Variants in DZANK1 observed in about 807,000 individuals in gnomAD.
DZANK1 encodes the protein double zinc ribbon and ankyrin repeat domains 1, also known as double zinc ribbon and ankyrin repeat-containing protein 1.
A neutral mutation model predicts 94.5 loss-of-function variants in DZANK1; 91 were observed. The ratio of observed to expected loss-of-function variants is 0.96; its 90% CI spans 0.81 to 1.15. The LOEUF is 1.15. Ranked by LOEUF, DZANK1 falls within the 50% of genes most tolerant of loss-of-function variation. The pLI, the probability that DZANK1 is intolerant of heterozygous loss-of-function variation, is 0.00. For missense variants in DZANK1, 903 were observed against 916.4 expected, an observed-to-expected ratio of 0.99 and a Z score of 0.19; for synonymous variants, 312 against 325.3, an observed-to-expected ratio of 0.96 and a Z score of 0.44.
intron 12 of DZANK1, chr20:18,413,157 C>A (rs990740338): frequency 9.8e-6 from 4 of 406,750 alleles, no homozygotes; most frequent in Non-Finnish European, 1.3e-5. Flanking sequence ...AGAGCATAGA[C>A]TTCACTACTA....
chr20:18,401,471 C>G (rs1461982172), intron 13 of DZANK1, among the ~76,000 whole-genome samples: 1 of 152,196 alleles, frequency 6.6e-6, no homozygotes, highest in Non-Finnish European at 1.5e-5. Flanking sequence ...ACTTTACTGC[C>G]CATACTTCTG....
intron 20 of DZANK1, 119 bp from the exon 21 acceptor site, chr20:18,384,683 A>C: frequency 9.1e-7 from 1 of 1,097,852 alleles, no homozygotes; most frequent in Non-Finnish European, 1.3e-6. Flanking sequence ...ACCTCCCCAA[A>C]CCTCTCCCCA....
intron 13 of DZANK1, among the ~76,000 whole-genome samples, chr20:18,400,339 A>G (rs1020502739): frequency 2.0e-5 from 3 of 152,288 alleles, no homozygotes; most frequent in South Asian, 2.1e-4. Context: ...GATATGAGGG[A>G]CCATGGAGAA....
At position 18,441,785 on chromosome 20, in the gene DZANK1, A is replaced by G. The variant is rs1311054944; in HGVS notation, c.747+1562T>C. 6.6e-6 allele frequency among the ~76,000 whole-genome samples: 1 copy of G among 152,252 alleles called. No individual in the cohort carries two copies. Among genetic ancestry groups the G allele is most frequent in the African/African-American group, 2.4e-5 (1 of 41,470 alleles). On this transcript the variant is annotated intron_variant, in intron 8 of 20. Transcript: ENST00000262547. The surrounding 1 kb of genome is among the most constrained non-coding windows in gnomAD (Gnocchi z 4.1). ...GGCAGAACATGTTGGGAAGTCAGAT[A>G]CAGAGATGTGGCTGGAACTTGCTGG...
intron 19 of DZANK1, among the ~76,000 whole-genome samples, chr20:18,387,576 G>A (rs1452865581): frequency 2.6e-5 from 4 of 152,208 alleles, no homozygotes; most frequent in Admixed American, 1.3e-4. Context: ...CCAATGCAGT[G>A]AGGAAGGGCA....
intron 10 of DZANK1, among the ~76,000 whole-genome samples, chr20:18,419,476 T>A (rs1252267261): frequency 1.3e-5 from 2 of 152,126 alleles, no homozygotes; most frequent in Non-Finnish European, 2.9e-5. Flanking sequence ...TACTTCACAC[T>A]AAAGCACATT....
intron 3 of DZANK1, 47 bp from the exon 4 acceptor site, chr20:18,455,408 T>C: frequency 7.3e-7 from 1 of 1,376,682 alleles, no homozygotes; most frequent in Non-Finnish European, 1.0e-6. Flanking sequence ...TACACAAAGA[T>C]TTTTTAAAAA....
Position 18,389,618 on chromosome 20 carries a change from G to A in DZANK1, c.2018+83C>T, listed in dbSNP as rs547317572. On this transcript the variant is annotated intron_variant, in intron 19 of 20. Transcript: ENST00000262547. Reference sequence around the variant, plus strand: ...GTGGCTGAAACTGAACAGGGTGTGTGTGTAGACCGCTTCTGCTGCAGTGGA... The same window carrying A: ...GTGGCTGAAACTGAACAGGGTGTGTATGTAGACCGCTTCTGCTGCAGTGGA... 3.2e-4 allele frequency: 502 copies of A among 1,564,416 alleles called. 10 individuals are homozygous for A. The South Asian group carries it at 5.8e-3, about 18-fold the overall frequency.
chr20:18,384,556 G>T, exon 21 of DZANK1: 1 of 1,602,384 alleles, frequency 6.2e-7, no homozygotes. Flanking sequence ...TTGGATGCTT[G>T]CATTGCATCT....
intron 8 of DZANK1, among the ~76,000 whole-genome samples, chr20:18,438,659 G>A (rs1177459321): frequency 1.3e-5 from 2 of 152,242 alleles, no homozygotes; most frequent in Non-Finnish European, 2.9e-5. Flanking sequence ...GTATATGACT[G>A]TATTAGTCTG....
chr20:18,430,697 C>T (rs2058247644), intron 9 of DZANK1, among the ~76,000 whole-genome samples: 1 of 152,244 alleles, frequency 6.6e-6, no homozygotes, highest in African/African-American at 2.4e-5. Flanking sequence ...TGCCTGTGGT[C>T]TCAGCTACTT....
rs559492497 is a variant in DZANK1 at position 18,432,195 on chromosome 20, T to C, written c.861+1457A>G. Among the ~76,000 whole-genome samples the C allele has an allele frequency of 1.7e-3, 258 of 152,308 alleles. 2 individuals carry two copies. Among genetic ancestry groups the C allele is most frequent in the African/African-American group, 6.0e-3 (251 of 41,570 alleles). On this transcript the variant is annotated intron_variant, in intron 9 of 20. Transcript: ENST00000262547. The stretch of plus-strand genomic sequence containing the variant: ...GAAGATGATATTATATATATTGAGT[T>C]TGGGTCACAACTAACACTTACCCCT...
intron 2 of DZANK1, 62 bp downstream of exon 2, chr20:18,465,188 C>G (rs1023180166): frequency 9.0e-7 from 1 of 1,117,098 alleles, no homozygotes; most frequent in Admixed American, 2.4e-5. Flanking sequence ...AACCAGCAAC[C>G]AGATAACACA....
rs916537538 is a variant in DZANK1 at position 18,427,519 on chromosome 20, A to C, written c.862-360T>G. 2.0e-5 allele frequency among the ~76,000 whole-genome samples: 3 copies of C among 151,988 alleles called. No individual in the cohort carries two copies. In the East Asian group the frequency reaches 5.8e-4, roughly 29 times the overall value. On this transcript the variant is annotated intron_variant, in intron 9 of 20. Coordinates refer to ENST00000262547, the Ensembl canonical transcript of DZANK1. The stretch of plus-strand genomic sequence containing the variant: ...TAGTTTTAAAAGAAACAAAACCACA[A>C]ACAAACAAACAAACACACTGAAAAA...
At chr20:18,460,168 G>A in exon 3 of DZANK1, 1 of 1,551,328 alleles carries the variant, frequency 6.4e-7, no homozygotes, top group Non-Finnish European at 8.8e-7. Context: ...GACAGCAATA[G>A]CTTTAACTTG....
chr20:18,416,414 A>G (rs1161162463), intron 10 of DZANK1, among the ~76,000 whole-genome samples: 1 of 152,092 alleles, frequency 6.6e-6, no homozygotes, highest in East Asian at 1.9e-4. Context: ...AAAGGACTAT[A>G]ATTTCACTTT....
At chr20:18,403,850 A>T (rs1249035867) in intron 13 of DZANK1, among the ~76,000 whole-genome samples, 1 of 128,468 alleles carries the variant, frequency 7.8e-6, no homozygotes, top group Non-Finnish European at 1.6e-5. Flanking sequence ...CCCAGGTAGG[A>T]GTGCAGTGGC....
At chr20:18,400,298 C>A (rs2056600308) in intron 13 of DZANK1, among the ~76,000 whole-genome samples, 1 of 152,148 alleles carries the variant, frequency 6.6e-6, no homozygotes, top group South Asian at 2.1e-4. Context: ...CTAGTTAATA[C>A]CCTGGGCAAC....
intron 3 of DZANK1, among the ~76,000 whole-genome samples, chr20:18,455,811 T>C (rs1364398297): frequency 6.6e-6 from 1 of 152,108 alleles, no homozygotes; most frequent in Non-Finnish European, 1.5e-5. Flanking sequence ...TCCCTCCCTC[T>C]CTCTCTCATG....
Sources: allele counts gnomAD v4.1 joint callset (sites outside exome capture counted in the v4.1 genomes callset), GRCh38; gene constraint gnomAD v4.1.1; non-coding constraint Gnocchi (gnomAD v3.1); transcripts MANE v1.5; gene names NCBI Gene and HGNC (gene_info 2026-07-23, HGNC 2026-07-21).